The following MYO18B variants were observed in gnomAD, a reference collection of about 807,000 sequenced individuals.
MYO18B encodes myosin XVIIIB, also known as unconventional myosin-XVIIIb.
MYO18B carries 204 observed loss-of-function variants against 273.0 expected under a neutral mutation model. The ratio of observed to expected loss-of-function variants is 0.75; its 90% CI spans 0.67 to 0.84. The LOEUF (loss-of-function observed/expected upper bound fraction) is 0.84, where lower values mean the gene tolerates loss of function less well. MYO18B is among the 40% of genes least tolerant of loss of function. The pLI, the probability that MYO18B is intolerant of heterozygous loss-of-function variation, is 0.00. For missense variants in MYO18B, 3,212 were observed against 3,287.6 expected (o/e 0.98, Z 0.56); for synonymous variants, 1,330 against 1,305.7 (o/e 1.02, Z -0.40).
intron 40 of MYO18B, among the ~76,000 whole-genome samples, chr22:25,997,567 G>A (rs1288734668): frequency 6.6e-6 from 1 of 152,120 alleles, no homozygotes; most frequent in Non-Finnish European, 1.5e-5. Flanking sequence ...GTAGACTTCA[G>A]TAATATCATA....
Position 25,787,305 on chromosome 22 carries a change from CACACA to C in MYO18B, c.2376+1815_2376+1819del, listed in dbSNP as rs1256754913. 3.4e-4 allele frequency among the ~76,000 whole-genome samples: 48 copies of C among 141,208 alleles called. 1 individual carries two copies. Among genetic ancestry groups the C allele is most frequent in the African/African-American group, 1.0e-3 (40 of 38,712 alleles). 92.6% of individuals were successfully genotyped at this position (141,208 alleles called of 152,430 possible). A position where few individuals can be genotyped will look rare whatever the true frequency, so the allele number is the denominator to read the frequency against. ...ACACACACACACACACACACACACACACACAGTCTGTCTTACACAGTGCTGAGTAT... is the reference window on the plus strand; with the variant it reads ...ACACACACACACACACACACACACACGTCTGTCTTACACAGTGCTGAGTAT... On this transcript the variant is annotated intron_variant, in intron 11 of 43. Transcript: ENST00000335473.
chr22:25,930,971 A>G (rs1023018309), intron 34 of MYO18B, among the ~76,000 whole-genome samples: 3 of 152,174 alleles, frequency 2.0e-5, no homozygotes, highest in Non-Finnish European at 4.4e-5. Context: ...TGGGACATTT[A>G]TCACCGTGTG....
intron 33 of MYO18B, 82 bp from the exon 34 acceptor site, chr22:25,921,175 A>G (rs761363569): frequency 4.2e-6 from 6 of 1,423,920 alleles, no homozygotes; most frequent in Non-Finnish European, 9.4e-7. Context: ...CAGGATTTAA[A>G]CCAGGGAACC....
the MYO18B span, among the ~76,000 whole-genome samples, chr22:26,060,997 G>GCA: frequency 2.0e-5 from 2 of 97,870 alleles, no homozygotes; most frequent in African/African-American, 1.9e-4. Flanking sequence ...TACCACATAT[G>GCA]CACACACATA....
At chr22:25,750,726 G>A (rs954154194) in intron 1 of MYO18B, among the ~76,000 whole-genome samples, 5 of 152,216 alleles carry the variant, frequency 3.3e-5, no homozygotes, top group Non-Finnish European at 7.3e-5. Context: ...GTGGAGGGGA[G>A]GGCAGGTGAC....
rs61738745 is a variant in MYO18B, at chr22:25,828,955, A to G, written c.2966A>G (p.Gln989Arg). ...FYQRTFVSTL[Q>R]RYQEEGVPVQ... ...CAGCGGACCTTTGTCTCCACGCTAC[A>G]GCGATATCAAGAGGTATGCCTGGGC... is the stretch of plus-strand genomic sequence containing the variant. Residue 989 changes from glutamine (Q) to arginine (R), a missense_variant, in exon 15 of 44, where the codon CAG becomes CGG. Transcript: ENST00000335473. 1,331 of 1,613,936 alleles carry G rather than the reference A, an allele frequency of 8.2e-4. 13 individuals carry two copies. In the African/African-American group the frequency reaches 0.014, roughly 17 times the overall value.
At chr22:25,879,755 T>C (rs1033484121) in intron 25 of MYO18B, among the ~76,000 whole-genome samples, 2 of 152,222 alleles carry the variant, frequency 1.3e-5, no homozygotes, top group African/African-American at 2.4e-5. Context: ...GAGGTTTGAT[T>C]CGCTCAGGGT....
At chr22:25,783,741 T>C (rs921206134) in intron 10 of MYO18B, among the ~76,000 whole-genome samples, 4 of 152,228 alleles carry the variant, frequency 2.6e-5, no homozygotes, top group African/African-American at 7.2e-5. Context: ...GGCATCCTTA[T>C]TGAGTTTGGC....
chr22:25,803,129 T>G (rs1272487367), intron 12 of MYO18B, among the ~76,000 whole-genome samples: 12 of 150,914 alleles, frequency 8.0e-5, no homozygotes, highest in African/African-American at 1.2e-4. Flanking sequence ...ACCCGGCTAT[T>G]TTTTTTTGTA....
chr22:25,923,717 C>T (rs564635923), intron 34 of MYO18B, among the ~76,000 whole-genome samples: 1 of 152,238 alleles, frequency 6.6e-6, no homozygotes, highest in South Asian at 2.1e-4. Flanking sequence ...CAGCCAGGGG[C>T]CAGGCATTTT....
the MYO18B span, among the ~76,000 whole-genome samples, chr22:26,060,888 C>T: frequency 9.8e-6 from 1 of 102,150 alleles, no homozygotes; most frequent in Admixed American, 8.7e-5. Context: ...TACATATACA[C>T]ATATACACAC....
chr22:25,938,704 GT>G (rs2092609767), intron 34 of MYO18B, among the ~76,000 whole-genome samples: 1 of 152,182 alleles, frequency 6.6e-6, no homozygotes, highest in African/African-American at 2.4e-5. Context: ...CCTCCTATGG[GT>G]AAGGATCCAT....
chr22:25,833,341 T>G (rs1384727934), intron 16 of MYO18B, among the ~76,000 whole-genome samples: 1 of 152,156 alleles, frequency 6.6e-6, no homozygotes, highest in Non-Finnish European at 1.5e-5. Context: ...CACTCTGGCC[T>G]GGAAAGGTCA....
intron 34 of MYO18B, among the ~76,000 whole-genome samples, chr22:25,941,662 CT>C (rs2092645743): frequency 1.3e-5 from 2 of 152,256 alleles, no homozygotes; most frequent in South Asian, 4.1e-4. Flanking sequence ...TTTCTTTCTG[CT>C]CCCTAAAGTG....
At chr22:26,054,360 A>T in the MYO18B span, among the ~76,000 whole-genome samples, 1 of 152,188 alleles carries the variant, frequency 6.6e-6, no homozygotes, top group Non-Finnish European at 1.5e-5. Flanking sequence ...GTGCCCGCTC[A>T]GTTTCCCTGC....
At chr22:25,852,613 G>T (rs1433512210) in intron 21 of MYO18B, among the ~76,000 whole-genome samples, 1 of 152,178 alleles carries the variant, frequency 6.6e-6, no homozygotes, top group African/African-American at 2.4e-5. Flanking sequence ...CTTCATAACA[G>T]CCCTGCAAAA....
rs1568992868 is a variant in MYO18B, at chr22:25,770,106, T to G, written c.1513-4T>G. The G allele has an allele frequency of 6.2e-7, 1 of 1,613,924 alleles. No homozygotes were observed. Among genetic ancestry groups the G allele is most frequent in the Non-Finnish European group, 8.5e-7 (1 of 1,179,848 alleles). On this transcript the variant is annotated splice_region_variant and splice_polypyrimidine_tract_variant and intron_variant, in intron 4 of 43. Coordinates refer to ENST00000335473, the MANE Select transcript of MYO18B (RefSeq NM_032608.7). ...GGTTTAATTTACGTGATGTTGGTTC[T>G]CAGGCTCCTGAGGACAGATGGTATG...
At chr22:25,862,834 A>G (rs1008531890) in intron 21 of MYO18B, among the ~76,000 whole-genome samples, 1 of 144,880 alleles carries the variant, frequency 6.9e-6, no homozygotes, top group African/African-American at 2.7e-5. Context: ...TAGGATGCAT[A>G]GACTTTTTTT....
intron 11 of MYO18B, among the ~76,000 whole-genome samples, 170 bp from the exon 12 acceptor site, chr22:25,797,783 C>G (rs967617135): frequency 8.5e-5 from 13 of 152,218 alleles, no homozygotes; most frequent in Non-Finnish European, 1.6e-4. Flanking sequence ...ATAACTTTCC[C>G]AGTCGCCTGA....
Sources: gnomAD v4.1 joint callset for allele counts (sites outside exome capture counted in the v4.1 genomes callset) on GRCh38, gnomAD v4.1.1 for gene constraint, MANE v1.5 for transcripts, NCBI Gene and HGNC (gene_info 2026-07-23, HGNC 2026-07-21) for gene names.